KLF12: variants seen among roughly 807,000 people sequenced by gnomAD.
KLF12 encodes Krueppel-like factor 12.
A neutral mutation model predicts 37.8 loss-of-function variants in KLF12; 9 were observed. The observed-to-expected ratio is 0.24, with a 90% CI of 0.14 to 0.42. The LOEUF is 0.42. KLF12 is among the 10% of genes least tolerant of loss of function. The probability of loss-of-function intolerance (pLI) is 1.00; values close to 1 mark genes in which losing one functional copy is unlikely to be tolerated. For synonymous variants in KLF12, 208 were observed against 202.1 expected (o/e 1.03, Z -0.25); for missense variants, 411 against 516.0 (o/e 0.80, Z 1.97).
intron 2 of KLF12, among the ~76,000 whole-genome samples, chr13:73,966,418 C>G (rs549221806): frequency 6.6e-6 from 1 of 151,836 alleles, no homozygotes; most frequent in African/African-American, 2.4e-5. Context: ...GAAAAAAATG[C>G]CAAATAAAAA....
chr13:74,148,426 T>TC, the KLF12 span, among the ~76,000 whole-genome samples: 58 of 141,852 alleles, frequency 4.1e-4, no homozygotes, highest in Admixed American at 1.5e-3. Context: ...TTTTTTTTTT[T>TC]CTGTACTCAA....
chr13:73,771,019 A>G (rs547771071), intron 5 of KLF12, among the ~76,000 whole-genome samples: 2 of 152,206 alleles, frequency 1.3e-5, no homozygotes, highest in South Asian at 4.2e-4. Flanking sequence ...TCCTGGCCCT[A>G]TCTCCCACCA....
rs549564633 is a variant in KLF12 at position 73,710,149 on chromosome 13, G to A, written c.1027+5219C>T. On this transcript the variant is annotated intron_variant, in intron 7 of 7. Coordinates refer to ENST00000377669, the MANE Select transcript of KLF12 (RefSeq NM_007249.5). ...GTGATAGGGAACACACTACTTCCAAGCAAAGCCATCATTAAGGGACAGCTC... is the reference window on the plus strand; with the variant it reads ...GTGATAGGGAACACACTACTTCCAAACAAAGCCATCATTAAGGGACAGCTC... Among the ~76,000 whole-genome samples, 13 of 152,176 alleles carry A rather than the reference G, an allele frequency of 8.5e-5. No homozygotes were observed. The South Asian group carries it at 1.2e-3, about 15-fold the overall frequency.
rs150274306 is a variant in KLF12 at position 73,930,908 on chromosome 13, G to A, written c.123+13073C>T. Among the ~76,000 whole-genome samples the A allele has an allele frequency of 3.8e-3, 495 of 129,580 alleles. 7 individuals carry two copies. Among genetic ancestry groups the A allele is most frequent in the Middle Eastern group, 0.019 (3 of 154 alleles). The allele number at this position is 129,580 out of a possible 152,430, so 85.0% of individuals were successfully genotyped here. A position where few individuals can be genotyped will look rare whatever the true frequency, so the allele number is the denominator to read the frequency against. ...GAGACGGAGTTTCGCTCCTTGCCCA[G>A]GCTGGAGTGCAATGGCGCGATCTCG... is the stretch of plus-strand genomic sequence containing the variant. On this transcript the variant is annotated intron_variant, in intron 3 of 7. Coordinates refer to ENST00000377669, the MANE Select transcript of KLF12 (RefSeq NM_007249.5).
intron 5 of KLF12, among the ~76,000 whole-genome samples, chr13:73,766,676 CTCTA>C (rs1222069687): frequency 4.6e-5 from 7 of 152,166 alleles, no homozygotes; most frequent in Middle Eastern, 3.2e-3. Flanking sequence ...TTAATTTGTT[CTCTA>C]TCTTTTACAC....
At chr13:73,914,587 A>G (rs1888728929) in intron 3 of KLF12, among the ~76,000 whole-genome samples, 1 of 152,210 alleles carries the variant, frequency 6.6e-6, no homozygotes, top group Admixed American at 6.5e-5. Flanking sequence ...GGTGAAGCAA[A>G]TTTAAACAAG....
At chr13:73,916,356 T>C (rs1307037321) in intron 3 of KLF12, among the ~76,000 whole-genome samples, 5 of 152,162 alleles carry the variant, frequency 3.3e-5, no homozygotes, top group Non-Finnish European at 7.3e-5. Flanking sequence ...TACAGCTTTA[T>C]TGAATTCCAG....
intron 5 of KLF12, among the ~76,000 whole-genome samples, chr13:73,775,963 C>T (rs929368089): frequency 2.6e-5 from 4 of 152,068 alleles, no homozygotes; most frequent in African/African-American, 9.7e-5. Flanking sequence ...CAAAATTTTA[C>T]GTCGTTTGGT....
intron 4 of KLF12, among the ~76,000 whole-genome samples, chr13:73,818,215 G>T (rs554992916): frequency 6.6e-6 from 1 of 152,156 alleles, no homozygotes; most frequent in Non-Finnish European, 1.5e-5. Context: ...GCGCGATCTC[G>T]GCTCACTGCA....
chr13:74,137,196 CTG>C (rs772726059), upstream of KLF12, among the ~76,000 whole-genome samples: 1 of 152,208 alleles, frequency 6.6e-6, no homozygotes, highest in East Asian at 1.9e-4. Flanking sequence ...CTCTCTACCT[CTG>C]TGTTTGCAGA....
intron 1 of KLF12, among the ~76,000 whole-genome samples, chr13:74,065,247 G>A (rs1026548223): frequency 6.8e-6 from 1 of 148,142 alleles, no homozygotes; most frequent in Admixed American, 6.7e-5. Flanking sequence ...TATACACACT[G>A]TATACTACTC....
chr13:73,987,669 A>G (rs1185106119), intron 2 of KLF12, among the ~76,000 whole-genome samples: 4 of 133,044 alleles, frequency 3.0e-5, no homozygotes, highest in African/African-American at 1.1e-4. Flanking sequence ...AGGGGAAGAG[A>G]GGAAATTGGA....
the KLF12 span, among the ~76,000 whole-genome samples, chr13:74,180,261 G>A: frequency 6.6e-6 from 1 of 152,210 alleles, no homozygotes; most frequent in Admixed American, 6.5e-5. Context: ...AAGACAGATT[G>A]AGTTGGTTTG....
intron 4 of KLF12, among the ~76,000 whole-genome samples, chr13:73,825,051 A>G (rs1883759374): frequency 1.3e-5 from 2 of 150,622 alleles, no homozygotes. Context: ...TCTGGGCAAC[A>G]AGAGCAAAAC....
At chr13:73,724,139 C>G (rs1876487298) in intron 6 of KLF12, among the ~76,000 whole-genome samples, 1 of 152,158 alleles carries the variant, frequency 6.6e-6, no homozygotes, top group South Asian at 2.1e-4. Context: ...TTGGAACCAA[C>G]CCAAATGCCC....
At chr13:73,953,708 C>G (rs1397997833) in intron 2 of KLF12, among the ~76,000 whole-genome samples, 2 of 152,124 alleles carry the variant, frequency 1.3e-5, no homozygotes, top group East Asian at 3.9e-4. Context: ...TGCTCCTTAT[C>G]AAACCCAAAA....
intron 1 of KLF12, among the ~76,000 whole-genome samples, chr13:74,083,892 T>C (rs1163226588): frequency 6.6e-6 from 1 of 152,224 alleles, no homozygotes; most frequent in African/African-American, 2.4e-5. Context: ...GGTTGGCTTC[T>C]TGGAGCAGGT....
the KLF12 span, among the ~76,000 whole-genome samples, chr13:74,248,757 G>A: frequency 3.3e-5 from 5 of 152,158 alleles, no homozygotes; most frequent in African/African-American, 1.2e-4. Context: ...CAGACACAAA[G>A]GAAGTGGAGC....
intron 2 of KLF12, among the ~76,000 whole-genome samples, chr13:73,987,311 T>G (rs1400642776): frequency 6.6e-6 from 1 of 152,126 alleles, no homozygotes; most frequent in Admixed American, 6.5e-5. Flanking sequence ...TATACAACTG[T>G]TGATACATAA....
Sources: gnomAD v4.1 joint callset for allele counts (sites outside exome capture counted in the v4.1 genomes callset) on GRCh38, gnomAD v4.1.1 for gene constraint, MANE v1.5 for transcripts, NCBI Gene and HGNC (gene_info 2026-07-23, HGNC 2026-07-21) for gene names.